Variants in EBF1 observed in about 807,000 individuals in gnomAD.
The protein encoded by EBF1 is EBF transcription factor 1.
In EBF1, 10 loss-of-function variants were observed where a neutral mutation model predicts 68.4. The observed-to-expected ratio is 0.15, with a 90% CI of 0.09 to 0.25. The LOEUF is 0.25. Among genes scored for constraint, EBF1 ranks in the 10% least tolerant of loss-of-function variants. EBF1 has a pLI of 1.00. For missense variants in EBF1, 509 were observed against 794.4 expected (o/e 0.64, Z 4.32); for synonymous variants, 298 against 299.8 (o/e 0.99, Z 0.06).
At chr5:158,968,377 C>T (rs779585090) in intron 6 of EBF1, among the ~76,000 whole-genome samples, 4 of 152,170 alleles carry the variant, frequency 2.6e-5, no homozygotes, top group Non-Finnish European at 4.4e-5. Context: ...TTTACTGTGT[C>T]GGCCTAACAC....
At chr5:158,979,110 G>C (rs577112759) in intron 6 of EBF1, among the ~76,000 whole-genome samples, 2 of 152,044 alleles carry the variant, frequency 1.3e-5, no homozygotes, top group Admixed American at 6.5e-5. Flanking sequence ...CTCACACAAA[G>C]AGAAAAAAGA....
At chr5:158,865,870 G>T (rs1236472425) in intron 6 of EBF1, among the ~76,000 whole-genome samples, 3 of 152,266 alleles carry the variant, frequency 2.0e-5, no homozygotes, top group South Asian at 4.2e-4. Flanking sequence ...AAGAATGTCT[G>T]CAGATCACCT....
chr5:159,048,510 C>T (rs1045243412), intron 6 of EBF1, among the ~76,000 whole-genome samples: 15 of 152,216 alleles, frequency 9.9e-5, no homozygotes, highest in Admixed American at 3.9e-4. Context: ...ATGCTCTAGC[C>T]TCTTGTACTT....
intron 6 of EBF1, among the ~76,000 whole-genome samples, chr5:159,057,782 A>T (rs938008251): frequency 3.9e-5 from 6 of 152,200 alleles, no homozygotes; most frequent in African/African-American, 1.4e-4. Flanking sequence ...GTCTCTTCCT[A>T]CAGGAATCTA....
At chr5:159,006,744 C>A (rs1763650631) in intron 6 of EBF1, among the ~76,000 whole-genome samples, 1 of 145,826 alleles carries the variant, frequency 6.9e-6, no homozygotes, top group South Asian at 2.2e-4. Flanking sequence ...TCAGACCACA[C>A]TTAATTATAC....
intron 6 of EBF1, among the ~76,000 whole-genome samples, chr5:158,953,464 C>T (rs997387494): frequency 6.6e-6 from 1 of 152,200 alleles, no homozygotes; most frequent in African/African-American, 2.4e-5. Context: ...GTTTGGGCCT[C>T]TTTCACAAAA....
chr5:158,810,965 A>G (rs757569820), intron 8 of EBF1, among the ~76,000 whole-genome samples: 5 of 152,206 alleles, frequency 3.3e-5, no homozygotes, highest in Non-Finnish European at 7.3e-5. Context: ...AAAAGCCACA[A>G]TCCTGCAATC....
intron 9 of EBF1, among the ~76,000 whole-genome samples, chr5:158,780,515 T>A (rs1163852819): frequency 6.6e-6 from 1 of 152,198 alleles, no homozygotes; most frequent in African/African-American, 2.4e-5. Flanking sequence ...ATCTTTTTAT[T>A]TAAAAAACTT....
intron 10 of EBF1, among the ~76,000 whole-genome samples, chr5:158,775,784 A>G (rs1486171585): frequency 0.019 from 153 of 8,066 alleles, no homozygotes; most frequent in African/African-American, 0.12. Flanking sequence ...ATGCACACAG[A>G]CACACACACA....
chr5:159,080,429 C>T (rs908146958), intron 5 of EBF1, among the ~76,000 whole-genome samples: 11 of 152,276 alleles, frequency 7.2e-5, no homozygotes, highest in African/African-American at 2.2e-4. Flanking sequence ...CCTGGCTCTC[C>T]GTTTTTGAGT....
At chr5:158,815,233 T>C (rs1194484094) in intron 8 of EBF1, among the ~76,000 whole-genome samples, 1 of 152,172 alleles carries the variant, frequency 6.6e-6, no homozygotes, top group Non-Finnish European at 1.5e-5. Context: ...AGGGTACTTA[T>C]AGCACTCTGT....
chr5:158,829,484 C>A (rs1786997874), intron 7 of EBF1, among the ~76,000 whole-genome samples: 1 of 151,840 alleles, frequency 6.6e-6, no homozygotes, highest in South Asian at 2.1e-4. Context: ...CACACCCGGC[C>A]CACAAAACTA....
intron 6 of EBF1, chr5:158,941,164 T>C (rs1003694113): frequency 2.2e-6 from 1 of 455,664 alleles, no homozygotes; most frequent in Non-Finnish European, 4.4e-6. Flanking sequence ...TGTAAACCAT[T>C]CACGCACCTC....
chr5:158,920,184 T>C (rs1436298042), intron 6 of EBF1, among the ~76,000 whole-genome samples: 1 of 151,572 alleles, frequency 6.6e-6, no homozygotes, highest in East Asian at 1.9e-4. Flanking sequence ...TGTGTGTGTA[T>C]ACACACATAT....
intron 6 of EBF1, among the ~76,000 whole-genome samples, chr5:158,971,164 T>C (rs1583568524): frequency 6.6e-6 from 1 of 152,228 alleles, no homozygotes; most frequent in East Asian, 1.9e-4. Flanking sequence ...GGCACGCCCA[T>C]CTGTAAAGTG....
At chr5:158,842,462 A>T (rs1311105965) in intron 6 of EBF1, among the ~76,000 whole-genome samples, 1 of 152,212 alleles carries the variant, frequency 6.6e-6, no homozygotes, top group East Asian at 1.9e-4. Context: ...TGACAACAAG[A>T]GTGGGTGTGA....
intron 6 of EBF1, among the ~76,000 whole-genome samples, chr5:158,993,941 A>G (rs754432785): frequency 3.7e-4 from 56 of 152,382 alleles, no homozygotes; most frequent in Non-Finnish European, 6.3e-4. Context: ...AGGCAGGCAG[A>G]CAAGGAATTT....
chr5:158,759,544 G>A (rs775128012), intron 10 of EBF1, among the ~76,000 whole-genome samples: 11 of 152,144 alleles, frequency 7.2e-5, no homozygotes, highest in Non-Finnish European at 1.3e-4. Flanking sequence ...ATAGCATAGC[G>A]TGAGCGCTGG....
Position 159,023,190 on chromosome 5 carries a change from T to TA in EBF1, c.554+50205dup, listed in dbSNP as rs11291084. 5.8e-3 allele frequency among the ~76,000 whole-genome samples: 819 copies of TA among 142,396 alleles called. 7 individuals carry two copies. The highest frequency in any genetic ancestry group is 0.019 in the African/African-American group (732 of 38,758). The allele number at this position is 142,396 out of a possible 152,430, so 93.4% of individuals were successfully genotyped here. ...ACATCAGATGCCAGAATTTTCTCAC[T>TA]AAAAAAAAAAAAAAGCTAAGTTTGT... On this transcript the variant is annotated intron_variant, in intron 6 of 15. Coordinates refer to ENST00000313708, the MANE Select transcript of EBF1 (RefSeq NM_024007.5).
Sources: gnomAD v4.1 joint callset for allele counts (sites outside exome capture counted in the v4.1 genomes callset) on GRCh38, gnomAD v4.1.1 for gene constraint, MANE v1.5 for transcripts, NCBI Gene and HGNC (gene_info 2026-07-23, HGNC 2026-07-21) for gene names.